MDGA2: variants seen among roughly 807,000 people sequenced by gnomAD.
MDGA2 encodes the protein MAM domain-containing glycosylphosphatidylinositol anchor protein 2.
A neutral mutation model predicts 117.8 loss-of-function variants in MDGA2; 40 were observed. The ratio of observed to expected loss-of-function variants is 0.34; its 90% confidence interval spans 0.26 to 0.44. The LOEUF (loss-of-function observed/expected upper bound fraction) is 0.44. MDGA2 is among the 20% of genes least tolerant of loss of function. MDGA2 has a pLI of 1.00. For missense variants in MDGA2, 1,123 were observed against 1,250.6 expected (o/e 0.90, Z 1.54); for synonymous variants, 452 against 439.0 (o/e 1.03, Z -0.37).
At chr14:47,188,423 G>A (rs61995382) in intron 3 of MDGA2, among the ~76,000 whole-genome samples, 3,150 of 152,290 alleles carry the variant, frequency 0.021, 35 homozygotes, top group Non-Finnish European at 0.033. Context: ...AGGCTGTGAG[G>A]GAACAGCAGT....
At chr14:47,655,178 C>A (rs1231998400) in intron 1 of MDGA2, among the ~76,000 whole-genome samples, 2 of 152,090 alleles carry the variant, frequency 1.3e-5, no homozygotes, top group Non-Finnish European at 2.9e-5. Flanking sequence ...GTAGAAGCCC[C>A]AGTTGCAAGT....
chr14:47,347,564 G>C (rs1890787604), intron 1 of MDGA2, among the ~76,000 whole-genome samples: 1 of 152,112 alleles, frequency 6.6e-6, no homozygotes, highest in Admixed American at 6.5e-5. Context: ...CACTGTGCTA[G>C]AGAAGACAAG....
chr14:47,467,199 G>A (rs1449823325), intron 1 of MDGA2, among the ~76,000 whole-genome samples: 1 of 152,090 alleles, frequency 6.6e-6, no homozygotes, highest in African/African-American at 2.4e-5. Context: ...GAAGTTAGAG[G>A]AGGAAAAATA....
At chr14:47,459,052 G>GA (rs1186717961) in intron 1 of MDGA2, among the ~76,000 whole-genome samples, 1 of 151,510 alleles carries the variant, frequency 6.6e-6, no homozygotes, top group African/African-American at 2.4e-5. Flanking sequence ...TCTTTGACCA[G>GA]AAAAATCTCT....
intron 1 of MDGA2, among the ~76,000 whole-genome samples, chr14:47,357,726 T>C (rs936182334): frequency 2.0e-5 from 3 of 152,196 alleles, no homozygotes; most frequent in African/African-American, 7.2e-5. Flanking sequence ...TTTAAAGTGA[T>C]AGCAAACTTT....
At chr14:47,172,368 C>A (rs1225365437) in intron 3 of MDGA2, among the ~76,000 whole-genome samples, 2 of 152,084 alleles carry the variant, frequency 1.3e-5, no homozygotes, top group Non-Finnish European at 2.9e-5. Flanking sequence ...TGACCCCTGA[C>A]CCCCGAGAAG....
chr14:47,286,235 C>T (rs1566720460), intron 2 of MDGA2, among the ~76,000 whole-genome samples: 2 of 151,932 alleles, frequency 1.3e-5, no homozygotes, highest in Non-Finnish European at 1.5e-5. Context: ...AGGAACATTC[C>T]CAATCTACGG....
At chr14:47,029,660 TGA>T (rs1484743531) in intron 8 of MDGA2, among the ~76,000 whole-genome samples, 1 of 152,144 alleles carries the variant, frequency 6.6e-6, no homozygotes, top group Admixed American at 6.5e-5. Context: ...AATAGCGCTT[TGA>T]GATGAAACTA....
chr14:47,138,631 T>A (rs1048670642), intron 4 of MDGA2, among the ~76,000 whole-genome samples: 12 of 152,086 alleles, frequency 7.9e-5, no homozygotes, highest in East Asian at 5.8e-4. Context: ...GACATTGCTG[T>A]AATGAAGCAG....
At chr14:47,513,603 C>T (rs1207611483) in intron 1 of MDGA2, among the ~76,000 whole-genome samples, 1 of 151,920 alleles carries the variant, frequency 6.6e-6, no homozygotes, top group African/African-American at 2.4e-5. Flanking sequence ...GGTAAATAAG[C>T]ATTTCACCAG....
intron 1 of MDGA2, among the ~76,000 whole-genome samples, chr14:47,468,075 C>G (rs1893640579): frequency 6.6e-6 from 1 of 152,038 alleles, no homozygotes; most frequent in African/African-American, 2.4e-5. Context: ...TGCATTTCTA[C>G]AAGGTAAGTA....
intron 8 of MDGA2, among the ~76,000 whole-genome samples, chr14:47,017,548 A>C (rs1594531254): frequency 6.6e-6 from 1 of 151,910 alleles, no homozygotes; most frequent in African/African-American, 2.4e-5. Flanking sequence ...CTGAAATCAG[A>C]GCAGGAACAT....
At chr14:47,228,726 G>T (rs572767284) in intron 2 of MDGA2, among the ~76,000 whole-genome samples, 1 of 152,204 alleles carries the variant, frequency 6.6e-6, no homozygotes, top group African/African-American at 2.4e-5. Flanking sequence ...AGAAGGCAAA[G>T]CACAATCAGT....
At chr14:47,435,108 C>T (rs1892871892) in intron 1 of MDGA2, among the ~76,000 whole-genome samples, 1 of 152,076 alleles carries the variant, frequency 6.6e-6, no homozygotes, top group African/African-American at 2.4e-5. Flanking sequence ...TGCACTACAT[C>T]CTGGGAGACA....
chr14:47,260,076 C>T lies in MDGA2; in HGVS notation c.420+41335G>A, dbSNP rs1234755072. ...AGGGAGTTAAGAAAATTCATTCAGTCTCAAATGGTGCTAGATGGAAAAATG... is the reference window on the plus strand; with the variant it reads ...AGGGAGTTAAGAAAATTCATTCAGTTTCAAATGGTGCTAGATGGAAAAATG... On this transcript the variant is annotated intron_variant, in intron 2 of 16. Transcript: ENST00000399232. Among the ~76,000 whole-genome samples, 11 of 151,902 alleles carry T rather than the reference C, an allele frequency of 7.2e-5. No homozygotes were observed. In the East Asian group the frequency reaches 2.1e-3, roughly 29 times the overall value.
intron 4 of MDGA2, among the ~76,000 whole-genome samples, chr14:47,143,577 A>C (rs1271546914): frequency 6.6e-6 from 1 of 152,128 alleles, no homozygotes; most frequent in Non-Finnish European, 1.5e-5. Flanking sequence ...TTTCATTTTT[A>C]GCATAATTAA....
chr14:46,890,641 G>C (rs17745340), intron 10 of MDGA2, among the ~76,000 whole-genome samples: 7,359 of 152,086 alleles, frequency 0.048, 250 homozygotes, highest in Non-Finnish European at 0.073. Flanking sequence ...ATCTTAGTGA[G>C]CCACTGCTGT....
intron 1 of MDGA2, among the ~76,000 whole-genome samples, chr14:47,561,175 G>GTTTTTTTTTTTTTTTTTTTTTTTTT (rs150826944): frequency 2.9e-5 from 2 of 69,398 alleles, no homozygotes; most frequent in Non-Finnish European, 5.6e-5. Context: ...TTTTTTGTTT[G>GTTTTTTTTTTTTTTTTTTTTTTTTT]TTTGTTTTTT....
chr14:47,233,780 A>G (rs1461808243), intron 2 of MDGA2, among the ~76,000 whole-genome samples: 1 of 152,168 alleles, frequency 6.6e-6, no homozygotes, highest in Non-Finnish European at 1.5e-5. Flanking sequence ...AGACTGTTTC[A>G]ATTCAAACCT....
Sources: allele counts gnomAD v4.1 joint callset (sites outside exome capture counted in the v4.1 genomes callset), GRCh38; gene constraint gnomAD v4.1.1; transcripts MANE v1.5; gene names NCBI Gene and HGNC (gene_info 2026-07-23, HGNC 2026-07-21).